The following MAP3K12 variants were observed in gnomAD, a reference collection of about 807,000 sequenced individuals.
The protein encoded by MAP3K12 is MAPK-upstream kinase.
In MAP3K12, 14 loss-of-function variants were observed where a neutral mutation model predicts 87.5. The ratio of observed to expected loss-of-function variants is 0.16; its 90% CI spans 0.11 to 0.25. The LOEUF (loss-of-function observed/expected upper bound fraction) is 0.25. Among genes scored for constraint, MAP3K12 ranks in the 10% least tolerant of loss-of-function variants. The probability of loss-of-function intolerance (pLI) is 1.00; values close to 1 mark genes in which losing one functional copy is unlikely to be tolerated. For missense variants in MAP3K12, 802 were observed against 1,140.4 expected (o/e 0.70, Z 4.27); for synonymous variants, 469 against 452.5 (o/e 1.04, Z -0.46).
In MAP3K12 at chr12:53,485,184, C is replaced by G; in HGVS notation, c.1011G>C (p.Leu337=). 6.2e-7 allele frequency: 1 copy of G among 1,613,676 alleles called. No homozygotes were observed. ...WSFGVVLWEL[L]TGEIPYKDVD... ...CGTCTTTGTAGGGGATCTCACCAGT[C>G]AGCAGTTCCCATAGCACCACGCCAA... is the stretch of plus-strand genomic sequence containing the variant. Residue 337 remains leucine, a synonymous_variant, in exon 6 of 14, where the codon CTG becomes CTC. Coordinates refer to ENST00000547488, the MANE Select transcript of MAP3K12 (RefSeq NM_001193511.2).
At chr12:53,495,908 AG>A (rs1410157689) in intron 1 of MAP3K12, among the ~76,000 whole-genome samples, 2 of 152,126 alleles carry the variant, frequency 1.3e-5, no homozygotes, top group East Asian at 1.9e-4. Context: ...TGGGCAGTGA[AG>A]GGGTTCAGGG....
intron 1 of MAP3K12, among the ~76,000 whole-genome samples, chr12:53,492,458 C>G (rs1371276075): frequency 2.0e-5 from 3 of 151,884 alleles, no homozygotes; most frequent in African/African-American, 7.3e-5. Flanking sequence ...TCTGCGCGCG[C>G]GCGCGCGCGC....
upstream of MAP3K12, chr12:53,501,420 G>C: frequency 6.4e-7 from 1 of 1,567,032 alleles, no homozygotes. Context: ...TGAGTGAAGA[G>C]GAGCAAGGCT....
At chr12:53,495,050 T>TA (rs972468659) in intron 1 of MAP3K12, among the ~76,000 whole-genome samples, 2 of 150,590 alleles carry the variant, frequency 1.3e-5, no homozygotes, top group African/African-American at 2.4e-5. Flanking sequence ...CAGACTAAAT[T>TA]AAAAAAAGGC....
At chr12:53,485,928 G>T in intron 4 of MAP3K12, 128 bp downstream of exon 4, 1 of 817,928 alleles carries the variant, frequency 1.2e-6, no homozygotes, top group Non-Finnish European at 1.9e-6. Flanking sequence ...AGATGGGACT[G>T]TCACTTGGAA....
chr12:53,483,900 CG>C lies in MAP3K12; in HGVS notation c.1358+10del, dbSNP rs558831987. On this transcript the variant is annotated intron_variant, in intron 8 of 13. Coordinates refer to ENST00000547488, the MANE Select transcript of MAP3K12 (RefSeq NM_001193511.2). ...GTTAGTAAAATCACCTCCCCAAGCACGGGAACTCACCTGAGCTCCTCCCTCC... is the reference window on the plus strand; with the variant it reads ...GTTAGTAAAATCACCTCCCCAAGCACGGAACTCACCTGAGCTCCTCCCTCC... The C allele has an allele frequency of 3.9e-4, 629 of 1,613,106 alleles. No individual in the cohort carries two copies. The highest frequency in any genetic ancestry group is 5.2e-4 in the Non-Finnish European group (608 of 1,179,182).
chr12:53,482,911 TGAA>T lies in MAP3K12; in HGVS notation c.1889_1891del (p.Leu630del). ...CATTTTGCGGAGCAGGAGGTCATGA[TGAA>T]GCCCACGGAGGGCGGGAGGGCAGGC... On this transcript the variant is annotated inframe_deletion, in exon 11 of 14. Transcript: ENST00000547488. 1.2e-6 allele frequency: 2 copies of T among 1,610,504 alleles called. No individual in the cohort carries two copies. Among genetic ancestry groups the T allele is most frequent in the Non-Finnish European group, 1.7e-6 (2 of 1,179,812 alleles).
At chr12:53,485,559 T>C in intron 4 of MAP3K12, 84 bp from the exon 5 acceptor site, 1 of 1,441,548 alleles carries the variant, frequency 6.9e-7, no homozygotes, top group Non-Finnish European at 9.4e-7. Flanking sequence ...TTCAGGTTTT[T>C]TTGTTTGTTT....
rs1459792678 is a variant in MAP3K12 at position 53,482,190 on chromosome 12, C to T, written c.2331G>A (p.Met777Ile). The T allele has an allele frequency of 6.2e-7, 1 of 1,614,200 alleles. No homozygotes were observed. ...SSQRWPQSLN[M>I]RQSLSTFSSE... ...AGCTGAAGGTAGATAGTGACTGGCG[C>T]ATGTTCAGGCTCTGAGGCCACCTAC... The change falls in exon 13 of 14, where the codon ATG (methionine) becomes ATA (isoleucine). Residue 777 changes from methionine (M) to isoleucine (I), a missense_variant. Transcript: ENST00000547488.
At position 53,480,593 on chromosome 12, in the gene MAP3K12, A is replaced by C. The variant is rs959172979; in HGVS notation, c.*589T>G. 1 of 152,694 alleles carries C rather than the reference A, an allele frequency of 6.5e-6. No homozygotes were observed. The highest frequency in any genetic ancestry group is 2.4e-5 in the African/African-American group (1 of 41,434). The allele number at this position is 152,694 out of a possible 1,614,324, so 9.5% of individuals were successfully genotyped here. On this transcript the variant is annotated 3_prime_UTR_variant, in exon 14 of 14. Coordinates refer to ENST00000547488, the MANE Select transcript of MAP3K12 (RefSeq NM_001193511.2). ...CCAGGATAAAAGCAGGGACTTAAAC[A>C]GCACCCCGGTTCTTCAGCCTGAGCC...
chr12:53,482,113 C>A lies in MAP3K12; in HGVS notation c.2408G>T (p.Ser803Ile). The A allele has an allele frequency of 6.2e-7, 1 of 1,614,214 alleles. No individual in the cohort carries two copies. Among genetic ancestry groups the A allele is most frequent in the Non-Finnish European group, 8.5e-7 (1 of 1,180,048 alleles). ...GGTGCTGCCAACTTCAGGTGTGCCA[C>A]TGGGGGAAGGTTCACTAGCTGTGCC... ...EEGTASEPSP[S>I]GTPEVGSTNT... Residue 803 changes from serine (S) to isoleucine (I), a missense_variant, in exon 13 of 14, where the codon AGT becomes ATT. Transcript: ENST00000547488.
intron 10 of MAP3K12, 32 bp from the exon 11 acceptor site, chr12:53,483,221 C>A (rs1462588473): frequency 6.5e-7 from 1 of 1,534,332 alleles, no homozygotes; most frequent in Admixed American, 2.1e-5. Flanking sequence ...AAGGTTAAGA[C>A]TGCCAAATCT....
intron 1 of MAP3K12, among the ~76,000 whole-genome samples, chr12:53,492,497 ATCC>A: frequency 6.6e-6 from 1 of 152,164 alleles, no homozygotes; most frequent in East Asian, 1.9e-4. Flanking sequence ...AGCTCCCTGA[ATCC>A]TCAGAAGAGC....
At chr12:53,492,231 C>T (rs983336408) in intron 1 of MAP3K12, among the ~76,000 whole-genome samples, 1 of 152,240 alleles carries the variant, frequency 6.6e-6, no homozygotes, top group Admixed American at 6.5e-5. Context: ...TGACACAGCC[C>T]CACTATGCGT....
chr12:53,485,547 C>T, intron 4 of MAP3K12, 72 bp from the exon 5 acceptor site: 4 of 1,522,354 alleles, frequency 2.6e-6, no homozygotes, highest in Non-Finnish European at 3.6e-6. Flanking sequence ...GCAACTCTGC[C>T]TTTCAGGTTT....
At chr12:53,489,301 G>T (rs948212969) in intron 1 of MAP3K12, among the ~76,000 whole-genome samples, 3 of 151,884 alleles carry the variant, frequency 2.0e-5, no homozygotes, top group East Asian at 1.9e-4. Context: ...CCTGGGCGAA[G>T]TAGCCAAACC....
upstream of MAP3K12, chr12:53,500,026 ACTT>A (rs1359266396): frequency 2.0e-5 from 3 of 152,098 alleles, no homozygotes; most frequent in African/African-American, 7.2e-5. Context: ...AATTTCACCC[ACTT>A]GGAATTCACT....
chr12:53,486,780 A>T lies in MAP3K12; in HGVS notation c.446-158T>A. The T allele has an allele frequency of 3.4e-6, 5 of 1,468,792 alleles. No homozygotes were observed. Among genetic ancestry groups the T allele is most frequent in the Non-Finnish European group, 4.5e-6 (5 of 1,115,198 alleles). The allele number at this position is 1,468,792 out of a possible 1,614,324, so 91.0% of individuals were successfully genotyped here. ...GTTCGAGGGGACAGGGAAGGAATGA[A>T]TGGGTGGCCTTAAAAGAAGCTGGGA... On this transcript the variant is annotated intron_variant, in intron 2 of 13. Coordinates refer to ENST00000547488, the MANE Select transcript of MAP3K12 (RefSeq NM_001193511.2). The surrounding 1 kb of genome is among the most constrained non-coding windows in gnomAD (Gnocchi z 4.9).
chr12:53,481,109 A>G lies in MAP3K12; in HGVS notation c.*73T>C, dbSNP rs1212274559. On this transcript the variant is annotated 3_prime_UTR_variant, in exon 14 of 14. Coordinates refer to ENST00000547488, the MANE Select transcript of MAP3K12 (RefSeq NM_001193511.2). Reference sequence around the variant, plus strand: ...CATCTTTCTGTTGATTATGTGGCGCATATATATATATATATGTATATATAT... The same window carrying G: ...CATCTTTCTGTTGATTATGTGGCGCGTATATATATATATATGTATATATAT... 4 of 324,286 alleles carry G rather than the reference A, an allele frequency of 1.2e-5. No homozygotes were observed. Among genetic ancestry groups the G allele is most frequent in the East Asian group, 1.2e-4 (1 of 8,332 alleles). The allele number at this position is 324,286 out of a possible 1,614,324, so 20.1% of individuals were successfully genotyped here.
Sources: gnomAD v4.1 joint callset for allele counts (sites outside exome capture counted in the v4.1 genomes callset) on GRCh38, gnomAD v4.1.1 for gene constraint, Gnocchi (gnomAD v3.1) non-coding constraint, MANE v1.5 for transcripts, NCBI Gene and HGNC (gene_info 2026-07-23, HGNC 2026-07-21) for gene names.